BMAL1: variants seen among roughly 807,000 people sequenced by gnomAD.
The protein encoded by BMAL1 is basic helix-loop-helix ARNT like 1, also known as basic helix-loop-helix ARNT-like protein 1.
chr11:13,374,052 G>T, the BMAL1 span: 7 of 1,576,584 alleles, frequency 4.4e-6, no homozygotes, highest in South Asian at 1.1e-5. Context: ...TTAATCATCT[G>T]AATGGCTTTT....
At chr11:13,376,865 G>C in the BMAL1 span, 1 of 739,222 alleles carries the variant, frequency 1.4e-6, no homozygotes, top group Non-Finnish European at 2.1e-6. Flanking sequence ...ATGATGTGCG[G>C]ATTTCCCCAT....
the BMAL1 span, among the ~76,000 whole-genome samples, chr11:13,292,351 T>G: frequency 8.6e-5 from 13 of 151,674 alleles, no homozygotes; most frequent in African/African-American, 3.2e-4. Flanking sequence ...GAGACCATCC[T>G]GCTAGCACGG....
At chr11:13,381,071 T>G in the BMAL1 span, 1 of 1,342,876 alleles carries the variant, frequency 7.4e-7, no homozygotes, top group African/African-American at 1.4e-5. Flanking sequence ...CTAATCTAGA[T>G]CTTCATCCCC....
chr11:13,285,264 G>A, the BMAL1 span, among the ~76,000 whole-genome samples: 10 of 152,164 alleles, frequency 6.6e-5, no homozygotes, highest in East Asian at 1.2e-3. Flanking sequence ...ATTATCTTAC[G>A]CTCACTTCCC....
At chr11:13,327,342 A>T in the BMAL1 span, among the ~76,000 whole-genome samples, 22 of 152,232 alleles carry the variant, frequency 1.4e-4, no homozygotes, top group Non-Finnish European at 2.9e-4. Flanking sequence ...TCAGCAAATA[A>T]TAGCTCATCG....
At chr11:13,357,405 C>T in the BMAL1 span, among the ~76,000 whole-genome samples, 1 of 152,248 alleles carries the variant, frequency 6.6e-6, no homozygotes, top group Admixed American at 6.5e-5. This position sits in a 1 kb window ranked among gnomAD's most constrained non-coding sequence, Gnocchi z 4.8. Flanking sequence ...GACTGGAGCG[C>T]CCTCCGCAGG....
chr11:13,360,134 AAC>A, the BMAL1 span, among the ~76,000 whole-genome samples: 1 of 152,196 alleles, frequency 6.6e-6, no homozygotes, highest in South Asian at 2.1e-4. Flanking sequence ...TCCTGTGGGT[AAC>A]AGTGTTCTCT....
At chr11:13,284,128 GTATATA>G in the BMAL1 span, among the ~76,000 whole-genome samples, 6 of 58,848 alleles carry the variant, frequency 1.0e-4, no homozygotes, top group Admixed American at 3.4e-4. Flanking sequence ...ATGTGTGTGT[GTATATA>G]TATATATATG....
chr11:13,295,852 G>A, the BMAL1 span, among the ~76,000 whole-genome samples: 66 of 152,276 alleles, frequency 4.3e-4, no homozygotes, highest in African/African-American at 1.5e-3. Flanking sequence ...TATTGGGCTG[G>A]TGTTTTCAGG....
At chr11:13,360,153 T>C in the BMAL1 span, among the ~76,000 whole-genome samples, 6 of 152,204 alleles carry the variant, frequency 3.9e-5, no homozygotes, top group Non-Finnish European at 8.8e-5. Flanking sequence ...CTCTCTTCCA[T>C]GGAATTCTCT....
At chr11:13,294,834 G>C in the BMAL1 span, among the ~76,000 whole-genome samples, 1 of 151,978 alleles carries the variant, frequency 6.6e-6, no homozygotes, top group Non-Finnish European at 1.5e-5. Context: ...TGGCTCTCTC[G>C]GGCCCCTGCC....
chr11:13,339,610 C>T, the BMAL1 span, among the ~76,000 whole-genome samples: 1 of 152,138 alleles, frequency 6.6e-6, no homozygotes, highest in Non-Finnish European at 1.5e-5. Flanking sequence ...TTAGCTGTCT[C>T]CTCTCCCTAG....
chr11:13,365,645 T>C, the BMAL1 span: 4 of 1,444,976 alleles, frequency 2.8e-6, no homozygotes, highest in Non-Finnish European at 3.9e-6. Context: ...GTCAGAAGTG[T>C]CACTCAATTT....
the BMAL1 span, chr11:13,356,163 T>G: frequency 4.3e-4 from 178 of 411,038 alleles, no homozygotes; most frequent in Middle Eastern, 1.1e-3. Context: ...TCCCAATTCC[T>G]AAAATCTAGG....
chr11:13,301,759 C>T, the BMAL1 span, among the ~76,000 whole-genome samples: 1 of 152,110 alleles, frequency 6.6e-6, no homozygotes, highest in African/African-American at 2.4e-5. Context: ...GTATCAGGTG[C>T]CAGGCATGGT....
chr11:13,370,546 T>C, the BMAL1 span, among the ~76,000 whole-genome samples: 8 of 152,218 alleles, frequency 5.3e-5, no homozygotes, highest in Non-Finnish European at 7.3e-5. Flanking sequence ...CCCTCACTTC[T>C]GCTTCACCAC....
At chr11:13,303,604 G>A in the BMAL1 span, among the ~76,000 whole-genome samples, 17 of 152,220 alleles carry the variant, frequency 1.1e-4, no homozygotes, top group Non-Finnish European at 2.9e-5. Context: ...TTAGCAGGCA[G>A]CCTTCCTTGC....
At chr11:13,381,677 GC>G in the BMAL1 span, among the ~76,000 whole-genome samples, 1 of 152,208 alleles carries the variant, frequency 6.6e-6, no homozygotes, top group Admixed American at 6.5e-5. Flanking sequence ...TGGAAATCAA[GC>G]CATGCTTTAT....
chr11:13,360,598 A>G, the BMAL1 span, among the ~76,000 whole-genome samples: 3 of 152,106 alleles, frequency 2.0e-5, no homozygotes, highest in Non-Finnish European at 2.9e-5. Flanking sequence ...TTCTTCCACA[A>G]AACCATTCTC....
Sources: gnomAD v4.1 joint callset for allele counts (sites outside exome capture counted in the v4.1 genomes callset) on GRCh38, gnomAD v4.1.1 for gene constraint, Gnocchi (gnomAD v3.1) non-coding constraint, MANE v1.5 for transcripts, NCBI Gene and HGNC (gene_info 2026-07-23, HGNC 2026-07-21) for gene names.